JAKMIP1: variants seen among roughly 807,000 people sequenced by gnomAD.
JAKMIP1 encodes the protein janus kinase and microtubule interacting protein 1.
A neutral mutation model predicts 113.0 loss-of-function variants in JAKMIP1; 33 were observed. The observed-to-expected ratio is 0.29, with a 90% CI of 0.22 to 0.39. The LOEUF (loss-of-function observed/expected upper bound fraction) is 0.39, where lower values mean the gene tolerates loss of function less well. Ranked by LOEUF, JAKMIP1 falls within the 10% of genes least tolerant of loss-of-function variation. The probability of loss-of-function intolerance (pLI) is 1.00; values close to 1 mark genes in which losing one functional copy is unlikely to be tolerated. For missense variants in JAKMIP1, 813 were observed against 1,080.5 expected (o/e 0.75, Z 3.47); for synonymous variants, 480 against 459.9 (o/e 1.04, Z -0.56).
intron 1 of JAKMIP1, among the ~76,000 whole-genome samples, chr4:6,114,003 G>A (rs184434600): frequency 1.3e-4 from 20 of 152,328 alleles, no homozygotes; most frequent in Admixed American, 7.2e-4. Context: ...GACGGGAGCT[G>A]GGAATCCTGT....
intron 11 of JAKMIP1, among the ~76,000 whole-genome samples, chr4:6,057,544 C>T (rs1427826248): frequency 6.6e-6 from 1 of 152,250 alleles, no homozygotes; most frequent in Non-Finnish European, 1.5e-5. Flanking sequence ...TCCCTGGCAC[C>T]TGGCACCTGC....
At chr4:6,152,809 T>TATACATATATATATATATATATAC (rs1491579883) in intron 1 of JAKMIP1, among the ~76,000 whole-genome samples, 4 of 117,666 alleles carry the variant, frequency 3.4e-5, no homozygotes, top group Non-Finnish European at 6.7e-5. Context: ...TATATATATA[T>TATACATATATATATATATATATAC]ACATATATAT....
Position 6,183,505 on chromosome 4 carries a change from T to TAAATAAATAAAA in JAKMIP1, c.-148+16747_-148+16748insTTTTATTTATTT, listed in dbSNP as rs1726293337. On this transcript the variant is annotated intron_variant, in intron 1 of 20. Coordinates refer to ENST00000409021, the MANE Select transcript of JAKMIP1 (RefSeq NM_001099433.2). This position sits in a 1 kb window ranked among gnomAD's most constrained non-coding sequence, Gnocchi z 5.3. ...ATAAATAAATAAATAAATAAATAAATAAATTTAAAAAAGAAAGTAAAATGG... is the reference window on the plus strand; with the variant it reads ...ATAAATAAATAAATAAATAAATAAATAAATAAATAAAAAAATTTAAAAAAGAAAGTAAAATGG... Among the ~76,000 whole-genome samples the TAAATAAATAAAA allele has an allele frequency of 6.6e-6, 1 of 150,860 alleles. No individual in the cohort carries two copies. The highest frequency in any genetic ancestry group is 2.4e-5 in the African/African-American group (1 of 41,074).
In JAKMIP1 at chr4:6,065,410, A is replaced by G. The variant is rs1717925049; in HGVS notation, c.1303-402T>C. 6.6e-6 allele frequency among the ~76,000 whole-genome samples: 1 copy of G among 152,262 alleles called. No individual in the cohort carries two copies. Among genetic ancestry groups the G allele is most frequent in the African/African-American group, 2.4e-5 (1 of 41,478 alleles). Reference sequence around the variant, plus strand: ...CAGCACTCCGTCACGCTCCATGAGCAGCGCACTGGCTGTACCAAGGAGAAG... The same window carrying G: ...CAGCACTCCGTCACGCTCCATGAGCGGCGCACTGGCTGTACCAAGGAGAAG... On this transcript the variant is annotated intron_variant, in intron 8 of 20. Transcript: ENST00000409021. This position sits in a 1 kb window ranked among gnomAD's most constrained non-coding sequence, Gnocchi z 5.1.
intron 1 of JAKMIP1, among the ~76,000 whole-genome samples, chr4:6,170,736 C>T (rs1335092832): frequency 1.2e-5 from 1 of 81,746 alleles, no homozygotes; most frequent in African/African-American, 3.5e-5. Context: ...CCATCACCAC[C>T]CTTGCCACCA....
At position 6,051,504 on chromosome 4, in the gene JAKMIP1, T is replaced by G. The variant is rs940691817; in HGVS notation, c.1807-825A>C. Among the ~76,000 whole-genome samples, 5 of 152,196 alleles carry G rather than the reference T, an allele frequency of 3.3e-5. No individual in the cohort carries two copies. The highest frequency in any genetic ancestry group is 1.2e-4 in the African/African-American group (5 of 41,456). On this transcript the variant is annotated intron_variant, in intron 13 of 20. Coordinates refer to ENST00000409021, the MANE Select transcript of JAKMIP1 (RefSeq NM_001099433.2). This position sits in a 1 kb window ranked among gnomAD's most constrained non-coding sequence, Gnocchi z 5.0. ...ATCCACCCGCCTCGGCCTCCCAAAG[T>G]GCTGGGATTACAGGCGTAAGCCACC...
In JAKMIP1 at chr4:6,135,956, T is replaced by G. The variant is rs557883603; in HGVS notation, c.-147-22959A>C. 2.6e-5 allele frequency among the ~76,000 whole-genome samples: 4 copies of G among 152,060 alleles called. No individual in the cohort carries two copies. ...GAGTGAATGAAGTGTCCCTTCAACA[T>G]GGACCGAGGCTGGGCACAGTGGCTC... is the stretch of plus-strand genomic sequence containing the variant. On this transcript the variant is annotated intron_variant, in intron 1 of 20. Transcript: ENST00000409021. The surrounding 1 kb of genome is among the most constrained non-coding windows in gnomAD (Gnocchi z 4.9).
chr4:6,120,432 A>G (rs952037460), intron 1 of JAKMIP1, among the ~76,000 whole-genome samples: 1 of 152,180 alleles, frequency 6.6e-6, no homozygotes, highest in African/African-American at 2.4e-5. Context: ...TGAATTGTTG[A>G]TGGCAGTGGA....
chr4:6,178,596 C>T lies in JAKMIP1; in HGVS notation c.-148+21657G>A, dbSNP rs544975281. 3.9e-5 allele frequency among the ~76,000 whole-genome samples: 6 copies of T among 152,194 alleles called. No homozygotes were observed. The highest frequency in any genetic ancestry group is 1.9e-4 in the East Asian group (1 of 5,176). On this transcript the variant is annotated intron_variant, in intron 1 of 20. Transcript: ENST00000409021. This position sits in a 1 kb window ranked among gnomAD's most constrained non-coding sequence, Gnocchi z 5.5. ...TTTCGAAACTGCATCTCCTTGATAC[C>T]GCCAGGTGAAGAAGGACGTGTTTGC... is the stretch of plus-strand genomic sequence containing the variant.
At chr4:6,169,980 TACCACCACCACCACCACCACC>T (rs200501521) in intron 1 of JAKMIP1, among the ~76,000 whole-genome samples, 9 of 107,760 alleles carry the variant, frequency 8.4e-5, no homozygotes, top group Non-Finnish European at 1.2e-4. Flanking sequence ...CCACCACCAC[TACCACCACCACCACCACCACC>T]ACCACCACCC....
chr4:6,123,347 T>C (rs1179022335), intron 1 of JAKMIP1, among the ~76,000 whole-genome samples: 1 of 152,164 alleles, frequency 6.6e-6, no homozygotes, highest in Admixed American at 6.5e-5. Flanking sequence ...CTGTCTGTTC[T>C]TCCAGCCCCG....
At chr4:6,147,146 GA>G (rs1720951732) in intron 1 of JAKMIP1, among the ~76,000 whole-genome samples, 1 of 151,996 alleles carries the variant, frequency 6.6e-6, no homozygotes, top group Non-Finnish European at 1.5e-5. Context: ...ATTTTTAGTA[GA>G]GACAGGGTTT....
intron 1 of JAKMIP1, among the ~76,000 whole-genome samples, chr4:6,190,106 C>A (rs1272484375): frequency 6.6e-6 from 1 of 152,098 alleles, no homozygotes; most frequent in Non-Finnish European, 1.5e-5. Flanking sequence ...CTCCTGGGGC[C>A]CAAGAAGGAT....
chr4:6,183,441 T>A lies in JAKMIP1; in HGVS notation c.-148+16812A>T, dbSNP rs1726273238. ...TTACAGTGAGCCAAGATCATGCCAT[T>A]GCACTCCAGCCTGGGTGACAGAGCA... On this transcript the variant is annotated intron_variant, in intron 1 of 20. Transcript: ENST00000409021. The surrounding 1 kb of genome is among the most constrained non-coding windows in gnomAD (Gnocchi z 5.3). Among the ~76,000 whole-genome samples, 1 of 140,038 alleles carries A rather than the reference T, an allele frequency of 7.1e-6. No individual in the cohort carries two copies. Among genetic ancestry groups the A allele is most frequent in the African/African-American group, 2.6e-5 (1 of 39,214 alleles). 91.9% of individuals were successfully genotyped at this position (140,038 alleles called of 152,430 possible).
intron 1 of JAKMIP1, among the ~76,000 whole-genome samples, chr4:6,189,720 G>A (rs1161099443): frequency 6.6e-6 from 1 of 152,184 alleles, no homozygotes; most frequent in African/African-American, 2.4e-5. Context: ...GTAGGGCAGT[G>A]AGGGCCCTGG....
At chr4:6,172,669 A>G (rs1255443526) in intron 1 of JAKMIP1, among the ~76,000 whole-genome samples, 1 of 152,220 alleles carries the variant, frequency 6.6e-6, no homozygotes, top group Admixed American at 6.5e-5. Context: ...TTCTGTCCCC[A>G]GGTGCTCAGG....
At chr4:6,121,112 A>G (rs1716652047) in intron 1 of JAKMIP1, among the ~76,000 whole-genome samples, 1 of 151,308 alleles carries the variant, frequency 6.6e-6, no homozygotes, top group Non-Finnish European at 1.5e-5. Flanking sequence ...AGGCAGGAGA[A>G]TCACTTGAAT....
chr4:6,057,722 C>T (rs1716677245), intron 11 of JAKMIP1, among the ~76,000 whole-genome samples: 1 of 152,224 alleles, frequency 6.6e-6, no homozygotes, highest in Admixed American at 6.5e-5. Flanking sequence ...TTGGCAGCTC[C>T]TCCCAGCAGG....
Position 6,158,553 on chromosome 4 carries a change from G to A in JAKMIP1, c.-148+41700C>T, listed in dbSNP as rs1722529214. Among the ~76,000 whole-genome samples, 1 of 152,138 alleles carries A rather than the reference G, an allele frequency of 6.6e-6. No individual in the cohort carries two copies. Among genetic ancestry groups the A allele is most frequent in the African/African-American group, 2.4e-5 (1 of 41,436 alleles). On this transcript the variant is annotated intron_variant, in intron 1 of 20. Transcript: ENST00000409021. This position sits in a 1 kb window ranked among gnomAD's most constrained non-coding sequence, Gnocchi z 5.3. ...GGAACATGATTCACTGGAAAGAAAG[G>A]ATGAGGTATTCCAGAGGGCCTGCGG...
Sources: allele counts gnomAD v4.1 joint callset (sites outside exome capture counted in the v4.1 genomes callset), GRCh38; gene constraint gnomAD v4.1.1; non-coding constraint Gnocchi (gnomAD v3.1); transcripts MANE v1.5; gene names NCBI Gene and HGNC (gene_info 2026-07-23, HGNC 2026-07-21).